REC114: variants seen among roughly 807,000 people sequenced by gnomAD.
The protein encoded by REC114 is REC114 meiotic recombination protein, also known as meiotic recombination protein REC114.
In REC114, 27 loss-of-function variants were observed where a neutral mutation model predicts 31.3. The ratio of observed to expected loss-of-function variants is 0.86; its 90% CI spans 0.64 to 1.19. REC114 has a LOEUF of 1.19. REC114 is among the 50% of genes most tolerant of loss of function. The pLI is 0.00. For missense variants in REC114, 344 were observed against 326.9 expected, an observed-to-expected ratio of 1.05 and a Z score of -0.40; for synonymous variants, 134 against 127.7, an observed-to-expected ratio of 1.05 and a Z score of -0.33.
At chr15:73,552,548 C>T (rs556118112) in intron 4 of REC114, among the ~76,000 whole-genome samples, 7 of 152,164 alleles carry the variant, frequency 4.6e-5, no homozygotes, top group African/African-American at 1.4e-4. Flanking sequence ...GATGAAAGTT[C>T]TTTGAAGGCC....
intron 2 of REC114, among the ~76,000 whole-genome samples, chr15:73,497,910 A>G (rs1893550784): frequency 1.3e-5 from 2 of 152,250 alleles, no homozygotes; most frequent in Admixed American, 1.3e-4. Context: ...TGCTGTGTAC[A>G]GTAAATAATT....
chr15:73,527,408 G>A (rs1894022947), intron 2 of REC114, among the ~76,000 whole-genome samples: 1 of 152,082 alleles, frequency 6.6e-6, no homozygotes, highest in Non-Finnish European at 1.5e-5. Flanking sequence ...GCAGCATCTT[G>A]GCCTACCTGA....
At chr15:73,525,240 T>C (rs1893989787) in intron 2 of REC114, among the ~76,000 whole-genome samples, 1 of 152,220 alleles carries the variant, frequency 6.6e-6, no homozygotes, top group South Asian at 2.1e-4. Flanking sequence ...TCTTCTCTTT[T>C]ATTCTTGTTG....
chr15:73,468,297 GTCT>G (rs1410345659), intron 1 of REC114, among the ~76,000 whole-genome samples: 3 of 151,890 alleles, frequency 2.0e-5, no homozygotes, highest in African/African-American at 4.8e-5. Flanking sequence ...CAATGTGCTG[GTCT>G]TCTTTTGTCA....
Position 73,550,923 on chromosome 15 carries a change from T to C in REC114, c.334-15T>C, listed in dbSNP as rs757029773. On this transcript the variant is annotated splice_polypyrimidine_tract_variant and intron_variant, in intron 3 of 5. Transcript: ENST00000331090. ...GATGAGGGTCTCTCATGATAACTTT[T>C]GATTTGTCAAACAGGACAAGAGTCG... 3 of 1,613,182 alleles carry C rather than the reference T, an allele frequency of 1.9e-6. No homozygotes were observed. The highest frequency in any genetic ancestry group is 2.5e-6 in the Non-Finnish European group (3 of 1,179,242).
intron 3 of REC114, among the ~76,000 whole-genome samples, chr15:73,543,942 C>CTTTTTTTT (rs34215297): frequency 4.0e-5 from 3 of 74,098 alleles, no homozygotes; most frequent in East Asian, 4.9e-4. Context: ...TGTTAACTGG[C>CTTTTTTTT]TTTTTTTTTT....
chr15:73,559,948 C>CAAAGT lies in REC114; in HGVS notation c.*34_*38dup, dbSNP rs1894561977. Reference sequence around the variant, plus strand: ...ATATACATATATAACTAAGGAACTTCAAAGTATTGAAAAATGCTTCCTCCT... The same window carrying CAAAGT: ...ATATACATATATAACTAAGGAACTTCAAAGTAAAGTATTGAAAAATGCTTCCTCCT... On this transcript the variant is annotated 3_prime_UTR_variant, in exon 6 of 6. Coordinates refer to ENST00000331090, the MANE Select transcript of REC114 (RefSeq NM_001042367.2). 3 of 1,520,076 alleles carry CAAAGT rather than the reference C, an allele frequency of 2.0e-6. No individual in the cohort carries two copies. Among genetic ancestry groups the CAAAGT allele is most frequent in the Middle Eastern group, 2.2e-4 (1 of 4,604 alleles). 94.2% of individuals were successfully genotyped at this position (1,520,076 alleles called of 1,614,324 possible).
At chr15:73,529,485 G>T (rs971056382) in intron 2 of REC114, among the ~76,000 whole-genome samples, 42 of 152,174 alleles carry the variant, frequency 2.8e-4, no homozygotes, top group East Asian at 2.1e-3. Flanking sequence ...ACAGATACTT[G>T]GATTTGCTTC....
intron 2 of REC114, among the ~76,000 whole-genome samples, chr15:73,496,401 G>A (rs1032522695): frequency 8.1e-5 from 12 of 148,488 alleles, no homozygotes; most frequent in East Asian, 2.0e-4. Context: ...GGCCGAGCGC[G>A]TAATCCCAGC....
rs189343684 is a variant in REC114, at chr15:73,468,144, G to C, written c.160-5688G>C. On this transcript the variant is annotated intron_variant, in intron 1 of 5. Coordinates refer to ENST00000331090, the MANE Select transcript of REC114 (RefSeq NM_001042367.2). ...TTGCTATGTAAGATAACATATTACA[G>C]GTTCCGGGTATTAGGACATAGACAT... Among the ~76,000 whole-genome samples the C allele has an allele frequency of 2.0e-3, 306 of 152,286 alleles. 1 individual carries two copies. Among genetic ancestry groups the C allele is most frequent in the African/African-American group, 6.2e-3 (257 of 41,570 alleles).
chr15:73,443,353 C>T lies in REC114; in HGVS notation c.159+9C>T, dbSNP rs749865235. Reference sequence around the variant, plus strand: ...CCTGCCCCACATGGAAGGTGAGGCCCGAAGGCAGGAATATCCCTGAGGTGC... The same window carrying T: ...CCTGCCCCACATGGAAGGTGAGGCCTGAAGGCAGGAATATCCCTGAGGTGC... On this transcript the variant is annotated intron_variant, in intron 1 of 5. Coordinates refer to ENST00000331090, the MANE Select transcript of REC114 (RefSeq NM_001042367.2). The T allele has an allele frequency of 1.4e-5, 22 of 1,561,564 alleles. No homozygotes were observed. In the South Asian group the frequency reaches 2.2e-4, roughly 16 times the overall value.
Position 73,543,719 on chromosome 15 carries a change from CT to C in REC114, c.333+3155del, listed in dbSNP as rs770601722. ...GTTTAAATTTAACCTCCTTACTAAA[CT>C]TTTATTAACTGTTTTTTAATTTCTA... On this transcript the variant is annotated intron_variant, in intron 3 of 5. Transcript: ENST00000331090. Among the ~76,000 whole-genome samples the C allele has an allele frequency of 3.9e-5, 6 of 152,062 alleles. No homozygotes were observed. In the East Asian group the frequency reaches 9.6e-4, roughly 24 times the overall value.
chr15:73,486,403 C>G (rs1398192089), intron 2 of REC114, among the ~76,000 whole-genome samples: 2 of 152,122 alleles, frequency 1.3e-5, no homozygotes, highest in Non-Finnish European at 2.9e-5. Context: ...GCCACCATAC[C>G]TTTCTTATCT....
chr15:73,458,246 T>G (rs1892943760), intron 1 of REC114, among the ~76,000 whole-genome samples: 1 of 152,192 alleles, frequency 6.6e-6, no homozygotes, highest in Non-Finnish European at 1.5e-5. Context: ...CATTAAGACT[T>G]CCTGGGTCTC....
At chr15:73,468,291 G>A (rs1390847490) in intron 1 of REC114, among the ~76,000 whole-genome samples, 4 of 151,994 alleles carry the variant, frequency 2.6e-5, no homozygotes, top group Non-Finnish European at 2.9e-5. Flanking sequence ...AATTTTCAAT[G>A]TGCTGGTCTT....
chr15:73,500,693 T>C (rs1468288715), intron 2 of REC114, among the ~76,000 whole-genome samples: 7 of 152,114 alleles, frequency 4.6e-5, no homozygotes, highest in African/African-American at 1.7e-4. Context: ...TTTAAATGTC[T>C]GTTTGTTTTT....
At chr15:73,448,236 T>G (rs1450036599) in intron 1 of REC114, among the ~76,000 whole-genome samples, 3 of 152,040 alleles carry the variant, frequency 2.0e-5, no homozygotes, top group Non-Finnish European at 4.4e-5. Context: ...CCCAGCAACC[T>G]AAGATCCACT....
At chr15:73,490,709 GTATA>G (rs956080436) in intron 2 of REC114, among the ~76,000 whole-genome samples, 2 of 151,896 alleles carry the variant, frequency 1.3e-5, no homozygotes, top group African/African-American at 4.8e-5. Flanking sequence ...AATAAAGAAT[GTATA>G]TATATAATAT....
chr15:73,463,564 T>G (rs1310447326), intron 1 of REC114, among the ~76,000 whole-genome samples: 1 of 152,244 alleles, frequency 6.6e-6, no homozygotes, highest in African/African-American at 2.4e-5. Context: ...TTCACACCTG[T>G]AATTCTAGCA....
Sources: allele counts gnomAD v4.1 joint callset (sites outside exome capture counted in the v4.1 genomes callset), GRCh38; gene constraint gnomAD v4.1.1; transcripts MANE v1.5; gene names NCBI Gene and HGNC (gene_info 2026-07-23, HGNC 2026-07-21).